CSMD1: variants seen among roughly 807,000 people sequenced by gnomAD.
CSMD1 encodes the protein CUB and sushi domain-containing protein 1.
A neutral mutation model predicts 417.5 loss-of-function variants in CSMD1; 213 were observed. That is an observed-to-expected ratio of 0.51 (90% CI 0.46 to 0.57). CSMD1 has a LOEUF of 0.57. CSMD1 is among the 20% of genes least tolerant of loss of function. CSMD1 has a pLI of 0.00. For missense variants in CSMD1, 6,923 were observed against 4,529.7 expected, an observed-to-expected ratio of 1.53 and a Z score of -15.17; for synonymous variants, 2,862 against 1,736.8, an observed-to-expected ratio of 1.65 and a Z score of -16.11.
chr8:3,564,044 G>A (rs1488869059), intron 10 of CSMD1, among the ~76,000 whole-genome samples: 2 of 151,960 alleles, frequency 1.3e-5, no homozygotes, highest in East Asian at 3.9e-4. Context: ...TATATATTTT[G>A]GGGGTACACG....
intron 3 of CSMD1, among the ~76,000 whole-genome samples, chr8:4,235,613 C>G (rs981808594): frequency 6.6e-6 from 1 of 152,268 alleles, no homozygotes; most frequent in East Asian, 1.9e-4. Flanking sequence ...TCTCATGACA[C>G]TGGCCTGCTC....
chr8:3,575,136 G>A, intron 9 of CSMD1, 70 bp from the exon 10 acceptor site: 2 of 1,468,124 alleles, frequency 1.4e-6, no homozygotes, highest in East Asian at 2.4e-5. Context: ...TAACATTTAT[G>A]GGAAATTTCA....
At chr8:4,302,374 A>G (rs187795833) in intron 3 of CSMD1, among the ~76,000 whole-genome samples, 5 of 152,334 alleles carry the variant, frequency 3.3e-5, no homozygotes, top group Admixed American at 2.0e-4. Flanking sequence ...TCAAGGGGTT[A>G]TACTATTCAG....
At chr8:3,691,948 G>C (rs929445499) in intron 7 of CSMD1, among the ~76,000 whole-genome samples, 21 of 152,128 alleles carry the variant, frequency 1.4e-4, no homozygotes, top group African/African-American at 5.1e-4. Flanking sequence ...TTAATCAAGA[G>C]CTCTCATTTC....
At chr8:3,958,252 T>C (rs1390876106) in intron 5 of CSMD1, among the ~76,000 whole-genome samples, 1 of 152,030 alleles carries the variant, frequency 6.6e-6, no homozygotes, top group East Asian at 1.9e-4. Context: ...TCTTCCATCG[T>C]TTTGTAATAT....
intron 48 of CSMD1, among the ~76,000 whole-genome samples, chr8:3,090,836 T>C (rs1157889229): frequency 6.6e-6 from 1 of 152,056 alleles, no homozygotes; most frequent in Non-Finnish European, 1.5e-5. Context: ...TGTAGGAAAG[T>C]TTAAAGAATA....
chr8:3,018,369 A>G, intron 52 of CSMD1, 108 bp downstream of exon 52: 1 of 973,706 alleles, frequency 1.0e-6, no homozygotes, highest in Non-Finnish European at 1.5e-6. Context: ...TTTCCACCCC[A>G]GGTAGGATTT....
intron 48 of CSMD1, among the ~76,000 whole-genome samples, chr8:3,088,520 TGGTGCCCAGAA>T (rs1814700343): frequency 6.6e-6 from 1 of 152,168 alleles, no homozygotes; most frequent in Admixed American, 6.6e-5. Context: ...TCTATCATAG[TGGTGCCCAGAA>T]GCAACATCTA....
chr8:4,033,282 T>G (rs999183978), intron 3 of CSMD1, among the ~76,000 whole-genome samples: 5 of 150,752 alleles, frequency 3.3e-5, no homozygotes, highest in African/African-American at 1.2e-4. Flanking sequence ...CTACTAAAAA[T>G]ACAAAAAAAA....
chr8:4,802,151 T>C (rs1027651246), intron 1 of CSMD1, among the ~76,000 whole-genome samples: 2 of 152,156 alleles, frequency 1.3e-5, no homozygotes, highest in Admixed American at 6.5e-5. Flanking sequence ...CGAAGAGCAA[T>C]TGCACAAAGG....
At chr8:3,390,333 C>A (rs112160730) in intron 17 of CSMD1, among the ~76,000 whole-genome samples, 1,583 of 113,868 alleles carry the variant, frequency 0.014, 37 homozygotes, top group East Asian at 0.12. Context: ...CCAGCCTGGG[C>A]GACAGAGCAA....
intron 5 of CSMD1, among the ~76,000 whole-genome samples, chr8:3,980,366 C>T (rs1372987920): frequency 1.4e-5 from 2 of 142,154 alleles, no homozygotes; most frequent in South Asian, 2.4e-4. Context: ...AGCTTTAACG[C>T]GGTATTTTAA....
At chr8:4,069,817 C>T (rs556134300) in intron 3 of CSMD1, among the ~76,000 whole-genome samples, 2 of 152,320 alleles carry the variant, frequency 1.3e-5, no homozygotes, top group African/African-American at 2.4e-5. Flanking sequence ...CAACTCACTA[C>T]TGAAAGAATA....
chr8:4,928,329 C>G (rs1017534573), intron 1 of CSMD1, among the ~76,000 whole-genome samples: 1 of 152,188 alleles, frequency 6.6e-6, no homozygotes, highest in African/African-American at 2.4e-5. Flanking sequence ...GGAATTTTTG[C>G]CACCATCCGG....
intron 2 of CSMD1, among the ~76,000 whole-genome samples, chr8:4,436,530 C>G (rs927694733): frequency 3.9e-5 from 6 of 152,036 alleles, no homozygotes; most frequent in Non-Finnish European, 8.8e-5. Context: ...CTTCAAGTAA[C>G]AAACAATCCG....
intron 6 of CSMD1, among the ~76,000 whole-genome samples, chr8:3,719,621 C>A (rs1232949872): frequency 2.0e-5 from 3 of 152,134 alleles, no homozygotes; most frequent in Non-Finnish European, 4.4e-5. Context: ...ATGCTCTATG[C>A]ACAGAGGAAA....
chr8:3,755,661 C>A (rs1049202935), intron 5 of CSMD1, among the ~76,000 whole-genome samples: 1 of 152,100 alleles, frequency 6.6e-6, no homozygotes, highest in African/African-American at 2.4e-5. Context: ...AGAAGCAACA[C>A]CAGATGAAAT....
intron 49 of CSMD1, among the ~76,000 whole-genome samples, chr8:3,074,842 T>C (rs945096633): frequency 1.1e-4 from 16 of 152,196 alleles, no homozygotes; most frequent in African/African-American, 3.9e-4. Flanking sequence ...AAGACATAGA[T>C]TATAGATATA....
intron 1 of CSMD1, among the ~76,000 whole-genome samples, chr8:4,705,846 T>C (rs992585257): frequency 6.6e-6 from 1 of 152,126 alleles, no homozygotes; most frequent in African/African-American, 2.4e-5. Context: ...CATCTGAGTG[T>C]CCTGGGGGCA....
Sources: gnomAD v4.1 joint callset for allele counts (sites outside exome capture counted in the v4.1 genomes callset) on GRCh38, gnomAD v4.1.1 for gene constraint, MANE v1.5 for transcripts, NCBI Gene and HGNC (gene_info 2026-07-23, HGNC 2026-07-21) for gene names.